Variants in PIGU observed in about 807,000 individuals in gnomAD.
The protein encoded by PIGU is GPI-anchor transamidase component PIGU.
A neutral mutation model predicts 49.9 loss-of-function variants in PIGU; 24 were observed. The ratio of observed to expected loss-of-function variants is 0.48; its 90% CI spans 0.35 to 0.68. The LOEUF (loss-of-function observed/expected upper bound fraction) is 0.68. PIGU is among the 30% of genes least tolerant of loss of function. The pLI, the probability that PIGU is intolerant of heterozygous loss-of-function variation, is 0.01. For missense variants in PIGU, 490 were observed against 532.6 expected, an observed-to-expected ratio of 0.92 and a Z score of 0.79; for synonymous variants, 220 against 205.7, an observed-to-expected ratio of 1.07 and a Z score of -0.59.
At chr20:34,674,436 C>A (rs1987425545) in intron 1 of PIGU, among the ~76,000 whole-genome samples, 1 of 152,142 alleles carries the variant, frequency 6.6e-6, no homozygotes, top group South Asian at 2.1e-4. Context: ...CCAGACCCTG[C>A]ACTCTTAATT....
Position 34,560,633 on chromosome 20 carries a change from C to G in PIGU, c.*233G>C, listed in dbSNP as rs1488883048. 2 of 443,704 alleles carry G rather than the reference C, an allele frequency of 4.5e-6. No individual in the cohort carries two copies. The highest frequency in any genetic ancestry group is 7.1e-5 in the East Asian group (2 of 28,320). The allele number at this position is 443,704 out of a possible 1,614,324, so 27.5% of individuals were successfully genotyped here. A position where few individuals can be genotyped will look rare whatever the true frequency, so the allele number is the denominator to read the frequency against. ...TCTCCTTCCTGTCTGGGAGGGGGCTCCTTGGTGTGCAGAGCCACAAGGTGG... is the reference window on the plus strand; with the variant it reads ...TCTCCTTCCTGTCTGGGAGGGGGCTGCTTGGTGTGCAGAGCCACAAGGTGG... On this transcript the variant is annotated 3_prime_UTR_variant, in exon 12 of 12. Transcript: ENST00000217446.
At chr20:34,653,673 G>A (rs1267289782) in intron 2 of PIGU, among the ~76,000 whole-genome samples, 2 of 152,168 alleles carry the variant, frequency 1.3e-5, no homozygotes, top group African/African-American at 4.8e-5. Context: ...GGGAGGGAAG[G>A]ATTGTAATGC....
intron 2 of PIGU, among the ~76,000 whole-genome samples, chr20:34,648,875 TTGAC>T (rs1238084839): frequency 1.3e-5 from 2 of 151,666 alleles, no homozygotes; most frequent in Non-Finnish European, 2.9e-5. Flanking sequence ...GATTGACTGA[TTGAC>T]TGATTTAGAG....
At position 34,577,641 on chromosome 20, in the gene PIGU, G is replaced by A. The variant is rs117563775; in HGVS notation, c.1052-2395C>T. Among the ~76,000 whole-genome samples the A allele has an allele frequency of 2.6e-3, 402 of 152,266 alleles. 3 individuals are homozygous for A. In the East Asian group the frequency reaches 0.038, roughly 14 times the overall value. ...TGAGGCACGAGAATTGCTGGAAGTG[G>A]AGAGGCAGAGGTTGCAGTGAGCCGA... On this transcript the variant is annotated intron_variant, in intron 10 of 11. Transcript: ENST00000217446.
Position 34,606,748 on chromosome 20 carries a change from TTTTG to T in PIGU, c.627+9290_627+9293del, listed in dbSNP as rs1022791003. ...CTACAGAATATGCCTTTGTAAAGAT[TTTTG>T]TTTGTTTGTTTTGTTTCGTTTGTTT... On this transcript the variant is annotated intron_variant, in intron 7 of 11. Coordinates refer to ENST00000217446, the MANE Select transcript of PIGU (RefSeq NM_080476.5). 1.1e-4 allele frequency among the ~76,000 whole-genome samples: 17 copies of T among 152,196 alleles called. No individual in the cohort carries two copies. In the East Asian group the frequency reaches 2.5e-3, roughly 22 times the overall value.
At chr20:34,595,505 C>T (rs1193049767) in intron 7 of PIGU, among the ~76,000 whole-genome samples, 1 of 152,114 alleles carries the variant, frequency 6.6e-6, no homozygotes, top group Non-Finnish European at 1.5e-5. Flanking sequence ...CAATCCACCA[C>T]AAATACCGAG....
intron 7 of PIGU, 115 bp downstream of exon 7, chr20:34,615,927 T>G: frequency 1.4e-6 from 2 of 1,420,922 alleles, no homozygotes; most frequent in Non-Finnish European, 1.8e-6. Flanking sequence ...TATTTTCAAC[T>G]GGGAGCAAGC....
At chr20:34,626,299 C>T (rs1007380384) in intron 6 of PIGU, among the ~76,000 whole-genome samples, 27 of 142,178 alleles carry the variant, frequency 1.9e-4, no homozygotes, top group African/African-American at 6.8e-4. Context: ...TTTAAAACTC[C>T]AAACTTTTTT....
Position 34,631,714 on chromosome 20 carries a change from C to T in PIGU, c.529+2901G>A, listed in dbSNP as rs1360877490. Reference sequence around the variant, plus strand: ...GACTACAGGTGCCAGCCACCATGTCCGGCTAACCATATATATATATATATA... The same window carrying T: ...GACTACAGGTGCCAGCCACCATGTCTGGCTAACCATATATATATATATATA... On this transcript the variant is annotated intron_variant, in intron 6 of 11. Transcript: ENST00000217446. Among the ~76,000 whole-genome samples, 4 of 84,508 alleles carry T rather than the reference C, an allele frequency of 4.7e-5. No homozygotes were observed. The Admixed American group carries it at 5.6e-4, about 12-fold the overall frequency. The allele number at this position is 84,508 out of a possible 152,430, so 55.4% of individuals were successfully genotyped here. A position where few individuals can be genotyped will look rare whatever the true frequency, so the allele number is the denominator to read the frequency against.
At chr20:34,612,748 G>A (rs1030011500) in intron 7 of PIGU, among the ~76,000 whole-genome samples, 3 of 150,976 alleles carry the variant, frequency 2.0e-5, no homozygotes, top group South Asian at 2.1e-4. Context: ...TCTGCCTCCC[G>A]AGTAGCTGGA....
intron 4 of PIGU, among the ~76,000 whole-genome samples, chr20:34,639,069 T>C (rs1986064069): frequency 6.6e-6 from 1 of 152,190 alleles, no homozygotes; most frequent in Non-Finnish European, 1.5e-5. Context: ...TATACTGCAT[T>C]GTGACATTTA....
intron 1 of PIGU, among the ~76,000 whole-genome samples, chr20:34,661,166 T>A (rs1016538869): frequency 3.3e-5 from 5 of 152,310 alleles, no homozygotes; most frequent in East Asian, 1.9e-4. Context: ...GTGATTTTTT[T>A]AAATGACTAT....
chr20:34,572,926 T>C (rs544048789), intron 11 of PIGU, among the ~76,000 whole-genome samples: 149 of 152,332 alleles, frequency 9.8e-4, no homozygotes, highest in Non-Finnish European at 1.8e-3. Flanking sequence ...CAAAGACACA[T>C]ACCAAACTGA....
intron 1 of PIGU, among the ~76,000 whole-genome samples, chr20:34,666,509 G>C (rs897524978): frequency 1.2e-4 from 18 of 150,250 alleles, no homozygotes; most frequent in African/African-American, 4.4e-4. Context: ...CATGAAGCAA[G>C]CTTATTTAAT....
intron 1 of PIGU, among the ~76,000 whole-genome samples, chr20:34,669,046 G>A (rs535608707): frequency 2.0e-5 from 3 of 151,806 alleles, no homozygotes; most frequent in South Asian, 4.2e-4. Flanking sequence ...CACCAAACCA[G>A]CTAACTCTTT....
chr20:34,632,036 T>C (rs1985798935), intron 6 of PIGU, among the ~76,000 whole-genome samples: 1 of 151,322 alleles, frequency 6.6e-6, no homozygotes, highest in Non-Finnish European at 1.5e-5. Flanking sequence ...AGATGAGGTC[T>C]CACTACGTTG....
intron 9 of PIGU, 101 bp downstream of exon 9, chr20:34,585,336 C>A: frequency 7.3e-7 from 1 of 1,377,772 alleles, no homozygotes; most frequent in Admixed American, 2.2e-5. Context: ...CTAAACCTGA[C>A]AGCAGGTGCT....
At chr20:34,623,274 G>A (rs1022647557) in intron 6 of PIGU, among the ~76,000 whole-genome samples, 2 of 152,178 alleles carry the variant, frequency 1.3e-5, no homozygotes, top group South Asian at 2.1e-4. Context: ...AGACTGCCCA[G>A]GAGGAGGAGG....
At chr20:34,619,776 T>C (rs1382458284) in intron 6 of PIGU, among the ~76,000 whole-genome samples, 1 of 152,210 alleles carries the variant, frequency 6.6e-6, no homozygotes, top group East Asian at 1.9e-4. Flanking sequence ...TTTAGAATAC[T>C]TGCTCCTAGG....
Sources: allele counts gnomAD v4.1 joint callset (sites outside exome capture counted in the v4.1 genomes callset), GRCh38; gene constraint gnomAD v4.1.1; transcripts MANE v1.5; gene names NCBI Gene and HGNC (gene_info 2026-07-23, HGNC 2026-07-21).